MAP3K19: variants seen among roughly 807,000 people sequenced by gnomAD.
MAP3K19 encodes the protein mitogen-activated protein kinase kinase kinase 19, also known as SPS1/STE20-related protein kinase YSK4.
MAP3K19 carries 91 observed loss-of-function variants against 114.4 expected under a neutral mutation model. That is an observed-to-expected ratio of 0.80 (90% CI 0.67 to 0.95). The LOEUF (loss-of-function observed/expected upper bound fraction) is 0.95, where lower values mean the gene tolerates loss of function less well. Ranked by LOEUF, MAP3K19 falls within the 40% of genes least tolerant of loss-of-function variation. The pLI, the probability that MAP3K19 is intolerant of heterozygous loss-of-function variation, is 0.00. For synonymous variants in MAP3K19, 518 were observed against 530.5 expected (o/e 0.98, Z 0.32); for missense variants, 1,471 against 1,573.2 (o/e 0.94, Z 1.10).
intron 1 of MAP3K19, among the ~76,000 whole-genome samples, chr2:135,041,380 G>C (rs974578009): frequency 1.3e-5 from 2 of 148,432 alleles, no homozygotes; most frequent in Non-Finnish European, 3.0e-5. Flanking sequence ...TCACTCTCTC[G>C]CCCAGGCTAG....
rs745527213 is a variant in MAP3K19, at chr2:134,987,613, A to G, written c.1259T>C (p.Val420Ala). ...CATTGCTTCATTTTTATGTAATGAA[A>G]CTCTTTTTGAAGCAGCTTTATTATT... The part of the protein sequence containing the change: ...MRNNKAASKR[V>A]SLHKNEAMEP... Residue 420 changes from valine to alanine, a missense_variant, in exon 10 of 13, where the codon GTT (valine) becomes GCT (alanine). Transcript: ENST00000392915. 1 of 1,613,792 alleles carries G rather than the reference A, an allele frequency of 6.2e-7. No individual in the cohort carries two copies. The highest frequency in any genetic ancestry group is 8.5e-7 in the Non-Finnish European group (1 of 1,179,954).
chr2:135,021,373 C>A (rs1687959975), intron 5 of MAP3K19, among the ~76,000 whole-genome samples: 1 of 152,098 alleles, frequency 6.6e-6, no homozygotes. Context: ...GCACCCTGAT[C>A]TCAGACTTCC....
intron 2 of MAP3K19, among the ~76,000 whole-genome samples, chr2:135,037,440 T>C (rs1009886743): frequency 2.6e-5 from 4 of 152,234 alleles, no homozygotes; most frequent in Admixed American, 2.0e-4. Flanking sequence ...TTGAATGTTA[T>C]ATGAGACAAA....
rs770017425 is a variant in MAP3K19, at chr2:134,985,954, A to G, written c.2918T>C (p.Leu973Pro). Residue 973 changes from leucine to proline, a missense_variant, in exon 10 of 13, where the codon CTA becomes CCA. Physicochemically the swap from Leu to Pro is moderately conservative, Grantham distance 98 (BLOSUM62 -3). Coordinates refer to ENST00000392915, the MANE Select transcript of MAP3K19 (RefSeq NM_025052.5). Reference protein sequence around the residue: ...EELTDELLGCLAAELLALDEK... With the variant: ...EELTDELLGCPAAELLALDEK... ...ATCAAGAGCTAATAATTCTGCAGCTAGACAACCTAATAGTTCATCTGTCAA... is the reference window on the plus strand; with the variant it reads ...ATCAAGAGCTAATAATTCTGCAGCTGGACAACCTAATAGTTCATCTGTCAA... 1.2e-6 allele frequency: 2 copies of G among 1,614,150 alleles called. No homozygotes were observed. Among genetic ancestry groups the G allele is most frequent in the Non-Finnish European group, 1.7e-6 (2 of 1,180,006 alleles).
chr2:135,039,621 A>C (rs1688607671), intron 2 of MAP3K19, among the ~76,000 whole-genome samples: 1 of 152,110 alleles, frequency 6.6e-6, no homozygotes, highest in South Asian at 2.1e-4. Flanking sequence ...AGTCCCAAGA[A>C]CTTATAGAGG....
chr2:134,984,205 C>G (rs1339020055), intron 10 of MAP3K19, among the ~76,000 whole-genome samples: 1 of 152,138 alleles, frequency 6.6e-6, no homozygotes, highest in Non-Finnish European at 1.5e-5. Context: ...AACCTCAACT[C>G]TCTCCTCAAA....
chr2:134,981,601 C>T (rs1684663347), intron 11 of MAP3K19, 83 bp from the exon 12 acceptor site: 3 of 1,039,170 alleles, frequency 2.9e-6, no homozygotes, highest in African/African-American at 1.6e-5. Flanking sequence ...CTTGACTTTC[C>T]CTTCTCTTTC....
chr2:134,997,437 G>A (rs550524506), intron 8 of MAP3K19, among the ~76,000 whole-genome samples: 3 of 152,238 alleles, frequency 2.0e-5, no homozygotes, highest in African/African-American at 7.2e-5. Flanking sequence ...ACACAACAAT[G>A]TGAATGTACT....
At chr2:135,000,732 G>A (rs1381574819) in intron 6 of MAP3K19, among the ~76,000 whole-genome samples, 1 of 152,186 alleles carries the variant, frequency 6.6e-6, no homozygotes, top group Non-Finnish European at 1.5e-5. Context: ...GAAGCAAGTG[G>A]TGATGTGGGA....
chr2:134,979,649 T>TTG (rs1684487993), intron 12 of MAP3K19, among the ~76,000 whole-genome samples: 1 of 149,954 alleles, frequency 6.7e-6, no homozygotes, highest in Non-Finnish European at 1.5e-5. Context: ...CGGTTTTTTT[T>TTG]TTTTTTTTTT....
At chr2:134,992,135 G>A (rs1685624916) in intron 8 of MAP3K19, among the ~76,000 whole-genome samples, 2 of 152,144 alleles carry the variant, frequency 1.3e-5, no homozygotes, top group Admixed American at 1.3e-4. Flanking sequence ...GGGAAAATCA[G>A]CCTCTAAATT....
chr2:135,011,485 C>G (rs536261131), intron 5 of MAP3K19, among the ~76,000 whole-genome samples: 4 of 145,416 alleles, frequency 2.8e-5, no homozygotes, highest in South Asian at 2.2e-4. Flanking sequence ...TGCAGTGAGC[C>G]GAGATCGCGC....
chr2:135,042,516 A>G (rs1217204609), intron 1 of MAP3K19, among the ~76,000 whole-genome samples: 4 of 134,600 alleles, frequency 3.0e-5, no homozygotes, highest in Non-Finnish European at 4.5e-5. Flanking sequence ...AAAAAAAAAA[A>G]AAAGAAAAAA....
intron 12 of MAP3K19, among the ~76,000 whole-genome samples, chr2:134,968,434 G>C (rs1341979990): frequency 6.7e-6 from 1 of 149,404 alleles, no homozygotes; most frequent in Non-Finnish European, 1.5e-5. Context: ...CAGTAGGGGC[G>C]GCCGGGCAGA....
chr2:134,986,783 T>G lies in MAP3K19; in HGVS notation c.2089A>C (p.Ile697Leu). The G allele has an allele frequency of 6.2e-7, 1 of 1,614,228 alleles. No individual in the cohort carries two copies. Among genetic ancestry groups the G allele is most frequent in the Non-Finnish European group, 8.5e-7 (1 of 1,180,044 alleles). Reference protein sequence around the residue: ...EICSAPSGRRITNKCRSSHSE... With the variant: ...EICSAPSGRRLTNKCRSSHSE... ...TGTGAAGATCGACATTTATTGGTGATACGTCTGCCTGATGGAGCCGAACAT... is the reference window on the plus strand; with the variant it reads ...TGTGAAGATCGACATTTATTGGTGAGACGTCTGCCTGATGGAGCCGAACAT... Residue 697 changes from isoleucine to leucine, a missense_variant, in exon 10 of 13, where the codon ATC (isoleucine) becomes CTC (leucine). Physicochemically the swap from Ile to Leu is conservative, Grantham distance 5 (BLOSUM62 2). Transcript: ENST00000392915.
intron 5 of MAP3K19, among the ~76,000 whole-genome samples, chr2:135,016,845 C>A (rs1687613310): frequency 6.6e-6 from 1 of 152,114 alleles, no homozygotes; most frequent in African/African-American, 2.4e-5. Flanking sequence ...TTTTAGGATT[C>A]TCTTGTAGCA....
chr2:135,026,010 C>T (rs1688246882), intron 3 of MAP3K19, among the ~76,000 whole-genome samples: 2 of 152,158 alleles, frequency 1.3e-5, no homozygotes, highest in Non-Finnish European at 2.9e-5. Context: ...CTCTTCGTTG[C>T]TATGGGACAG....
chr2:135,046,258 C>A (rs1688739971), intron 1 of MAP3K19, among the ~76,000 whole-genome samples: 1 of 151,988 alleles, frequency 6.6e-6, no homozygotes, highest in Admixed American at 6.6e-5. Context: ...CTCAATTTTC[C>A]ATTTAGAATT....
chr2:134,972,582 C>T (rs1559136300), intron 12 of MAP3K19, among the ~76,000 whole-genome samples: 1 of 151,970 alleles, frequency 6.6e-6, no homozygotes, highest in Non-Finnish European at 1.5e-5. Context: ...CCCTAGCCTA[C>T]CAAGTGACCT....
Sources: gnomAD v4.1 joint callset for allele counts (sites outside exome capture counted in the v4.1 genomes callset) on GRCh38, gnomAD v4.1.1 for gene constraint, MANE v1.5 for transcripts, NCBI Gene and HGNC (gene_info 2026-07-23, HGNC 2026-07-21) for gene names.